The following FAM117B variants were observed in gnomAD, a reference collection of about 807,000 sequenced individuals.
The protein encoded by FAM117B is family with sequence similarity 117 member B, also known as protein FAM117B.
Under a neutral mutation model 52.8 loss-of-function variants are expected in FAM117B, and 22 were observed. That is an observed-to-expected ratio of 0.42 (90% CI 0.30 to 0.59). The LOEUF (loss-of-function observed/expected upper bound fraction) is 0.59, where lower values mean the gene tolerates loss of function less well. FAM117B is among the 20% of genes least tolerant of loss of function. The pLI, the probability that FAM117B is intolerant of heterozygous loss-of-function variation, is 0.22. For missense variants in FAM117B, 678 were observed against 802.6 expected (o/e 0.84, Z 1.88); for synonymous variants, 309 against 324.1 (o/e 0.95, Z 0.50).
At chr2:202,753,960 C>T (rs186863706) in intron 4 of FAM117B, among the ~76,000 whole-genome samples, 1 of 152,290 alleles carries the variant, frequency 6.6e-6, no homozygotes. Flanking sequence ...TTATGGAAGA[C>T]AGTATGGCAA....
intron 1 of FAM117B, among the ~76,000 whole-genome samples, chr2:202,659,945 C>CT (rs904611621): frequency 6.6e-6 from 1 of 151,760 alleles, no homozygotes; most frequent in African/African-American, 2.4e-5. Context: ...TTTCCCCCAC[C>CT]TTTTTTTCAC....
chr2:202,635,809 A>C (rs1689675229), intron 1 of FAM117B, 21 bp downstream of exon 1: 1 of 1,414,700 alleles, frequency 7.1e-7, no homozygotes, highest in East Asian at 3.1e-5. Flanking sequence ...GGGGTCGCGC[A>C]GCAAGGGGGA....
chr2:202,641,948 T>C (rs1465105822), intron 1 of FAM117B, among the ~76,000 whole-genome samples: 4 of 119,626 alleles, frequency 3.3e-5, no homozygotes, highest in Non-Finnish European at 7.4e-5. Flanking sequence ...AGATATTTTC[T>C]TTTTTTTTTT....
At chr2:202,740,200 A>AAAAAAAAAAAC (rs1691509405) in intron 4 of FAM117B, among the ~76,000 whole-genome samples, 1 of 147,568 alleles carries the variant, frequency 6.8e-6, no homozygotes, top group African/African-American at 2.5e-5. Context: ...AAAAAAAAAA[A>AAAAAAAAAAAC]AATCCCCAAA....
At chr2:202,746,323 G>C (rs148114749) in intron 4 of FAM117B, among the ~76,000 whole-genome samples, 18 of 152,206 alleles carry the variant, frequency 1.2e-4, no homozygotes, top group Non-Finnish European at 2.2e-4. Flanking sequence ...TTTGGAAACT[G>C]TGCAGATACA....
intron 1 of FAM117B, among the ~76,000 whole-genome samples, chr2:202,638,202 T>A (rs565508562): frequency 6.6e-6 from 1 of 152,280 alleles, no homozygotes; most frequent in East Asian, 1.9e-4. Context: ...CTTACAGATA[T>A]GAACAAAACT....
At chr2:202,718,258 C>G (rs1199606085) in intron 2 of FAM117B, among the ~76,000 whole-genome samples, 6 of 152,212 alleles carry the variant, frequency 3.9e-5, no homozygotes, top group Non-Finnish European at 8.8e-5. Context: ...CCCCAACAGT[C>G]TGCTTGGTGC....
At chr2:202,689,795 G>A (rs549446395) in intron 1 of FAM117B, among the ~76,000 whole-genome samples, 1 of 152,212 alleles carries the variant, frequency 6.6e-6, no homozygotes, top group South Asian at 2.1e-4. Context: ...GTGCGTGCCT[G>A]TGGTCTCAGC....
chr2:202,720,768 G>GAAA (rs1226705875), intron 2 of FAM117B, among the ~76,000 whole-genome samples: 2 of 152,008 alleles, frequency 1.3e-5, no homozygotes, highest in East Asian at 3.9e-4. Flanking sequence ...GTTTTTAAAT[G>GAAA]AATTATTCAC....
Position 202,765,908 on chromosome 2 carries a change from G to GA in FAM117B, c.*145dup. On this transcript the variant is annotated 3_prime_UTR_variant, in exon 8 of 8. Transcript: ENST00000392238. ...TGACGGCGAGGCTTCTGGAAGAAAG[G>GA]ATCCCCCGTGACGGCTCTGCCCCAC... 1.2e-6 allele frequency: 1 copy of GA among 862,668 alleles called. No homozygotes were observed. The highest frequency in any genetic ancestry group is 1.7e-6 in the Non-Finnish European group (1 of 572,816). 53.4% of individuals were successfully genotyped at this position (862,668 alleles called of 1,614,324 possible). A position where few individuals can be genotyped will look rare whatever the true frequency, so the allele number is the denominator to read the frequency against.
chr2:202,689,228 C>T (rs1195554558), intron 1 of FAM117B, among the ~76,000 whole-genome samples: 1 of 152,062 alleles, frequency 6.6e-6, no homozygotes, highest in African/African-American at 2.4e-5. Context: ...ATCGCTTGAG[C>T]TCAGGAGTTG....
intron 1 of FAM117B, among the ~76,000 whole-genome samples, chr2:202,682,927 G>A (rs1304377515): frequency 6.6e-6 from 1 of 152,096 alleles, no homozygotes; most frequent in Non-Finnish European, 1.5e-5. Context: ...TAGGAAGAAA[G>A]GTCTAAAATA....
At chr2:202,677,583 C>T (rs1209217308) in intron 1 of FAM117B, among the ~76,000 whole-genome samples, 1 of 152,178 alleles carries the variant, frequency 6.6e-6, no homozygotes, top group African/African-American at 2.4e-5. Context: ...TGGTTTAGAT[C>T]TTGCTCAGAT....
chr2:202,635,684 G>C lies in FAM117B; in HGVS notation c.497G>C (p.Ser166Thr). Residue 166 changes from serine (S) to threonine (T), a missense_variant, in exon 1 of 8, where the codon AGC (serine) becomes ACC (threonine). Ser to Thr is a moderately conservative substitution (Grantham distance 58, BLOSUM62 1). Coordinates refer to ENST00000392238, the MANE Select transcript of FAM117B (RefSeq NM_173511.4). ...ACCCACCTGTGGACCGGCGAGGTGAGCGCGGCCCCACCCCCAGCCCGCGTC... is the reference window on the plus strand; with the variant it reads ...ACCCACCTGTGGACCGGCGAGGTGACCGCGGCCCCACCCCCAGCCCGCGTC... ...SPTHLWTGEV[S>T]AAPPPARVRH... 5.0e-6 allele frequency: 7 copies of C among 1,410,264 alleles called. No individual in the cohort carries two copies. Among genetic ancestry groups the C allele is most frequent in the Non-Finnish European group, 5.5e-6 (6 of 1,083,006 alleles). The allele number at this position is 1,410,264 out of a possible 1,614,324, so 87.4% of individuals were successfully genotyped here. A position where few individuals can be genotyped will look rare whatever the true frequency, so the allele number is the denominator to read the frequency against.
In FAM117B at chr2:202,757,250, C is replaced by T. The variant is rs758379450; in HGVS notation, c.1142C>T (p.Pro381Leu). 2 of 1,614,008 alleles carry T rather than the reference C, an allele frequency of 1.2e-6. No homozygotes were observed. Among genetic ancestry groups the T allele is most frequent in the Non-Finnish European group, 8.5e-7 (1 of 1,180,024 alleles). The change falls in exon 6 of 8, where the codon CCC (proline) becomes CTC (leucine). Residue 381 changes from proline to leucine, a missense_variant. Physicochemically the swap from Pro to Leu is moderately conservative, Grantham distance 98. Coordinates refer to ENST00000392238, the MANE Select transcript of FAM117B (RefSeq NM_173511.4). ...CCAGATGGCCATCGTGCTCCACCCC[C>T]CCTTGTACAGAGAAGTAGCAGCACG... ...DIPDGHRAPP[P>L]LVQRSSSTRS...
chr2:202,679,606 A>G (rs980220908), intron 1 of FAM117B, among the ~76,000 whole-genome samples: 4 of 152,222 alleles, frequency 2.6e-5, no homozygotes, highest in Admixed American at 1.3e-4. Context: ...CAGTATGTTC[A>G]GTGGAGACCC....
intron 1 of FAM117B, among the ~76,000 whole-genome samples, chr2:202,667,052 TGTC>T (rs1275306259): frequency 1.3e-5 from 2 of 152,036 alleles, no homozygotes; most frequent in Admixed American, 1.3e-4. Context: ...AGAGTAAAAA[TGTC>T]GTAAAAACTG....
intron 2 of FAM117B, among the ~76,000 whole-genome samples, chr2:202,719,597 C>T (rs903326241): frequency 2.0e-5 from 3 of 152,114 alleles, no homozygotes; most frequent in Non-Finnish European, 4.4e-5. Flanking sequence ...TGTATATGAA[C>T]AGGGACTTTT....
At chr2:202,703,566 G>A in intron 2 of FAM117B, among the ~76,000 whole-genome samples, 1 of 152,138 alleles carries the variant, frequency 6.6e-6, no homozygotes, top group East Asian at 1.9e-4. Context: ...ATGTTGCCCG[G>A]GCTGGTCTAG....
Sources: allele counts gnomAD v4.1 joint callset (sites outside exome capture counted in the v4.1 genomes callset), GRCh38; gene constraint gnomAD v4.1.1; transcripts MANE v1.5; gene names NCBI Gene and HGNC (gene_info 2026-07-23, HGNC 2026-07-21).